TMCC2: variants seen among roughly 807,000 people sequenced by gnomAD.
TMCC2 encodes the protein transmembrane and coiled-coil domain family 2.
TMCC2 carries 16 observed loss-of-function variants against 49.4 expected under a neutral mutation model. That is an observed-to-expected ratio of 0.32 (90% confidence interval 0.22 to 0.49). The LOEUF is 0.49. Among genes scored for constraint, TMCC2 ranks in the 20% least tolerant of loss-of-function variants. The pLI is 0.99. For synonymous variants in TMCC2, 397 were observed against 434.1 expected (o/e 0.91, Z 1.06); for missense variants, 762 against 989.8 (o/e 0.77, Z 3.09).
At chr1:205,240,917 CA>C (rs1660239092) in intron 1 of TMCC2, among the ~76,000 whole-genome samples, 1 of 152,170 alleles carries the variant, frequency 6.6e-6, no homozygotes, top group South Asian at 2.1e-4. Flanking sequence ...GAATTTTTAG[CA>C]AGGTGAGTTA....
At chr1:205,236,261 A>T (rs1660044473) in intron 1 of TMCC2, among the ~76,000 whole-genome samples, 1 of 152,130 alleles carries the variant, frequency 6.6e-6, no homozygotes, top group African/African-American at 2.4e-5. Flanking sequence ...GTCTGTGTTC[A>T]TCTCCTTCCA....
intron 2 of TMCC2, among the ~76,000 whole-genome samples, chr1:205,268,466 T>A (rs1442159058): frequency 6.6e-6 from 1 of 151,726 alleles, no homozygotes; most frequent in African/African-American, 2.4e-5. Context: ...ATACAAAAAT[T>A]AGCCAGGCAT....
chr1:205,257,097 C>G, intron 2 of TMCC2: 1 of 1,190,408 alleles, frequency 8.4e-7, no homozygotes, highest in Non-Finnish European at 1.1e-6. Flanking sequence ...CTCGGTGATC[C>G]TCCCTGTCTC....
rs1483236608 is a variant in TMCC2 at position 205,233,309 on chromosome 1, G to A, written c.207+4538G>A. 6.6e-5 allele frequency among the ~76,000 whole-genome samples: 10 copies of A among 152,310 alleles called. No individual in the cohort carries two copies. The East Asian group carries it at 1.5e-3, about 24-fold the overall frequency. On this transcript the variant is annotated intron_variant, in intron 1 of 4. Coordinates refer to ENST00000358024, the MANE Select transcript of TMCC2 (RefSeq NM_014858.4). Reference sequence around the variant, plus strand: ...TAATATATTTCCCTGAAGAAAAAGGGGGAGCTCCAAATTCCATCATTCCCC... The same window carrying A: ...TAATATATTTCCCTGAAGAAAAAGGAGGAGCTCCAAATTCCATCATTCCCC...
intron 1 of TMCC2, among the ~76,000 whole-genome samples, chr1:205,232,934 C>CAAAAAA (rs35561522): frequency 2.2e-5 from 1 of 45,600 alleles, no homozygotes; most frequent in Non-Finnish European, 3.8e-5. Context: ...GACCCTATCT[C>CAAAAAA]AAAAAAAAAA....
intron 2 of TMCC2, among the ~76,000 whole-genome samples, chr1:205,265,937 C>G (rs1402412780): frequency 1.3e-5 from 2 of 151,492 alleles, no homozygotes; most frequent in Non-Finnish European, 2.9e-5. Flanking sequence ...AGGGCAGCAG[C>G]TTTATAAGAG....
At chr1:205,242,242 T>C (rs1660303255) in intron 2 of TMCC2, among the ~76,000 whole-genome samples, 198 bp downstream of exon 2, 1 of 152,224 alleles carries the variant, frequency 6.6e-6, no homozygotes, top group African/African-American at 2.4e-5. Flanking sequence ...GGATGGCTAA[T>C]TTTTGTTTCC....
chr1:205,262,787 C>T (rs563109334), intron 2 of TMCC2, among the ~76,000 whole-genome samples: 14 of 152,178 alleles, frequency 9.2e-5, no homozygotes, highest in African/African-American at 3.4e-4. Flanking sequence ...TCTTTGCATC[C>T]CTGATGGGTG....
intron 1 of TMCC2, among the ~76,000 whole-genome samples, chr1:205,239,872 G>C (rs960855194): frequency 1.3e-5 from 2 of 152,078 alleles, no homozygotes; most frequent in African/African-American, 4.8e-5. Context: ...GAGTTGTAAA[G>C]TAACCTAAGA....
intron 4 of TMCC2, among the ~76,000 whole-genome samples, 174 bp from the exon 5 acceptor site, chr1:205,271,639 A>G (rs887622046): frequency 2.6e-5 from 4 of 152,146 alleles, no homozygotes; most frequent in East Asian, 1.9e-4. Flanking sequence ...ATCCTCCCCA[A>G]AGAGTCATCC....
Position 205,269,664 on chromosome 1 carries a change from G to A in TMCC2, c.1462G>A (p.Gly488Arg), listed in dbSNP as rs1247964333. The change falls in exon 3 of 5, where the codon GGG (glycine) becomes AGG (arginine). Residue 488 changes from glycine (G) to arginine (R), a missense_variant. Around this residue, in one of 2 missense-constraint regions of TMCC2, gnomAD observed 440 missense variants for 636.7 expected, o/e 0.69. Coordinates refer to ENST00000358024, the MANE Select transcript of TMCC2 (RefSeq NM_014858.4). ...CTCCAGCGCCAGCGCCAGCTCAGCC[G>A]GGGCAGGCAGCAACTCTGGGGCTGG... ...ECSSASASSA[G>R]AGSNSGAGPG... is the part of the protein sequence containing the mutation. 8.1e-6 allele frequency: 13 copies of A among 1,613,742 alleles called. No individual in the cohort carries two copies. The highest frequency in any genetic ancestry group is 1.3e-5 in the African/African-American group (1 of 74,934).
At position 205,241,762 on chromosome 1, in the gene TMCC2, C is replaced by A. The variant is rs1660275478; in HGVS notation, c.465C>A (p.Ile155=). ...PTAFNRVLQQ[I]RSRPSIKRGA... The stretch of plus-strand genomic sequence containing the variant: ...CCTTCAACCGCGTGCTGCAGCAGAT[C>A]CGCTCCCGGCCCTCCATCAAGCGGG... The change falls in exon 2 of 5, where the codon ATC becomes ATA. Residue 155 remains isoleucine, a synonymous_variant. Transcript: ENST00000358024. The surrounding 1 kb of genome is among the most constrained non-coding windows in gnomAD (Gnocchi z 7.3). 1.2e-6 allele frequency: 2 copies of A among 1,611,608 alleles called. No homozygotes were observed. Among genetic ancestry groups the A allele is most frequent in the Non-Finnish European group, 1.7e-6 (2 of 1,179,674 alleles).
At chr1:205,271,687 C>G in intron 4 of TMCC2, 126 bp from the exon 5 acceptor site, 1 of 1,279,122 alleles carries the variant, frequency 7.8e-7, no homozygotes, top group Non-Finnish European at 1.1e-6. Context: ...TGGTCAACCT[C>G]CACTCCTCCT....
chr1:205,232,974 A>C (rs2102521173), intron 1 of TMCC2, among the ~76,000 whole-genome samples: 4 of 127,954 alleles, frequency 3.1e-5, no homozygotes, highest in African/African-American at 5.7e-5. Context: ...AAAAAAACAC[A>C]CACACAAAAA....
Position 205,269,114 on chromosome 1 carries a change from G to A in TMCC2, c.912G>A (p.Lys304=). ...QKILKITEQI[K]IEQEARDDNV... is the part of the protein sequence containing the mutation. ...TCCTGAAGATCACCGAGCAGATCAA[G>A]ATTGAGCAGGAGGCTCGCGACGACA... The change falls in exon 3 of 5, where the codon AAG becomes AAA. Residue 304 remains lysine, a synonymous_variant. Transcript: ENST00000358024. The A allele has an allele frequency of 6.2e-7, 1 of 1,614,116 alleles. No individual in the cohort carries two copies. Among genetic ancestry groups the A allele is most frequent in the Non-Finnish European group, 8.5e-7 (1 of 1,180,038 alleles).
chr1:205,266,980 G>A (rs1574867220), intron 2 of TMCC2, among the ~76,000 whole-genome samples: 1 of 152,358 alleles, frequency 6.6e-6, no homozygotes, highest in East Asian at 1.9e-4. Context: ...TTTAAGTCAG[G>A]CTACTGGGAC....
At position 205,269,396 on chromosome 1, in the gene TMCC2, T is replaced by G. The variant is rs747290859; in HGVS notation, c.1194T>G (p.Phe398Leu). The change falls in exon 3 of 5, where the codon TTT (phenylalanine) becomes TTG (leucine). Residue 398 changes from phenylalanine (F) to leucine (L), a missense_variant. Transcript: ENST00000358024. ...GANVRAGISG[F>L]GGGVVEGVKG... ...ACGTGCGCGCAGGCATCAGCGGCTT[T>G]GGGGGCGGCGTGGTGGAGGGCGTCA... The G allele has an allele frequency of 3.1e-6, 5 of 1,607,930 alleles. No individual in the cohort carries two copies. Among genetic ancestry groups the G allele is most frequent in the Non-Finnish European group, 4.3e-6 (5 of 1,176,006 alleles).
In TMCC2 at chr1:205,273,039, G is replaced by C. The variant is rs772282784; in HGVS notation, c.*915G>C. The C allele has an allele frequency of 2.6e-5, 4 of 152,162 alleles. No individual in the cohort carries two copies. Among genetic ancestry groups the C allele is most frequent in the Non-Finnish European group, 5.9e-5 (4 of 68,032 alleles). The allele number at this position is 152,162 out of a possible 1,614,324, so 9.4% of individuals were successfully genotyped here. ...CATCCTGGCTGGGAGAAGTGGGACC[G>C]AGCCACCCAGCCCCACTATCCCCAA... On this transcript the variant is annotated 3_prime_UTR_variant, in exon 5 of 5. Transcript: ENST00000358024.
chr1:205,239,485 G>A (rs748437259), intron 1 of TMCC2, among the ~76,000 whole-genome samples: 1 of 152,224 alleles, frequency 6.6e-6, no homozygotes, highest in Non-Finnish European at 1.5e-5. Flanking sequence ...TGTGGGAAAA[G>A]CTGGCATTGT....
Sources: gnomAD v4.1 joint callset for allele counts (sites outside exome capture counted in the v4.1 genomes callset) on GRCh38, gnomAD v4.1.1 for gene constraint, gnomAD v4.1.1 regional missense constraint, Gnocchi (gnomAD v3.1) non-coding constraint, MANE v1.5 for transcripts, NCBI Gene and HGNC (gene_info 2026-07-23, HGNC 2026-07-21) for gene names.